The following MND1 variants were observed in gnomAD, a reference collection of about 807,000 sequenced individuals.
MND1 encodes meiotic nuclear divisions 1, also known as meiotic nuclear division protein 1 homolog.
A neutral mutation model predicts 35.1 loss-of-function variants in MND1; 28 were observed. The ratio of observed to expected loss-of-function variants is 0.80; its 90% CI spans 0.59 to 1.09. The LOEUF (loss-of-function observed/expected upper bound fraction) is 1.09, where lower values mean the gene tolerates loss of function less well. Ranked by LOEUF, MND1 falls within the 50% of genes least tolerant of loss-of-function variation. The probability of loss-of-function intolerance (pLI) is 0.00; values close to 1 mark genes in which losing one functional copy is unlikely to be tolerated. For synonymous variants in MND1, 69 were observed against 70.5 expected, an observed-to-expected ratio of 0.98 and a Z score of 0.11; for missense variants, 213 against 239.6, an observed-to-expected ratio of 0.89 and a Z score of 0.73.
At chr4:153,385,717 AAAAAAAAAAAAAAAAAAG>A in intron 4 of MND1, among the ~76,000 whole-genome samples, 1 of 145,050 alleles carries the variant, frequency 6.9e-6, no homozygotes, top group Non-Finnish European at 1.5e-5. Context: ...CCCTGTCTCA[AAAAAAAAAAAAAAAAAAG>A]AAAAGAAAAT....
chr4:153,377,164 A>G (rs552279724), intron 4 of MND1, among the ~76,000 whole-genome samples: 3 of 152,288 alleles, frequency 2.0e-5, no homozygotes, highest in African/African-American at 7.2e-5. Context: ...GTTTGGGGAC[A>G]TATTTTTTAG....
chr4:153,412,817 T>A (rs1729723785), intron 7 of MND1, among the ~76,000 whole-genome samples: 1 of 150,670 alleles, frequency 6.6e-6, no homozygotes, highest in Non-Finnish European at 1.5e-5. Context: ...TTCTTTTTTT[T>A]TTTTTTGAGA....
intron 4 of MND1, among the ~76,000 whole-genome samples, chr4:153,376,062 G>A (rs970043070): frequency 6.6e-6 from 1 of 152,150 alleles, no homozygotes; most frequent in African/African-American, 2.4e-5. Context: ...TTGGATGATA[G>A]TGAAGCAGCT....
At position 153,386,894 on chromosome 4, in the gene MND1, A is replaced by G. The variant is rs376936924; in HGVS notation, c.277-7368A>G. ...AAAGCAAAGAAATAAGACAAGAAGG[A>G]TGCACACTGGGCTTTACAGGGGTCA... On this transcript the variant is annotated intron_variant, in intron 4 of 7. Coordinates refer to ENST00000240488, the MANE Select transcript of MND1 (RefSeq NM_032117.4). 1.0e-3 allele frequency among the ~76,000 whole-genome samples: 153 copies of G among 152,276 alleles called. 1 individual carries two copies. The highest frequency in any genetic ancestry group is 1.9e-3 in the Non-Finnish European group (132 of 68,012).
intron 1 of MND1, among the ~76,000 whole-genome samples, chr4:153,345,057 C>G (rs2149625421): frequency 6.6e-6 from 1 of 152,312 alleles, no homozygotes; most frequent in East Asian, 1.9e-4. Context: ...GAAGCGTTCG[C>G]GAACGTGACC....
chr4:153,381,539 TGAAA>T (rs1728681491), intron 4 of MND1, among the ~76,000 whole-genome samples: 5 of 149,194 alleles, frequency 3.4e-5, no homozygotes, highest in Non-Finnish European at 7.4e-5. Context: ...CTTACTTTCC[TGAAA>T]TAGCCTTAAT....
chr4:153,361,657 G>A, intron 4 of MND1: 1 of 408,908 alleles, frequency 2.4e-6, no homozygotes, highest in Middle Eastern at 8.0e-4. Flanking sequence ...GGCTAACACG[G>A]TGAAACCCTG....
intron 4 of MND1, among the ~76,000 whole-genome samples, chr4:153,390,093 G>A (rs188483305): frequency 5.7e-4 from 86 of 151,552 alleles, no homozygotes; most frequent in South Asian, 2.5e-3. Flanking sequence ...TATATATGGC[G>A]ACTAGAAATC....
intron 4 of MND1, among the ~76,000 whole-genome samples, chr4:153,368,538 G>A (rs1194846803): frequency 6.6e-6 from 1 of 152,126 alleles, no homozygotes; most frequent in East Asian, 1.9e-4. Context: ...TGACTTTCCT[G>A]GGAAAGTTTT....
intron 1 of MND1, among the ~76,000 whole-genome samples, 155 bp downstream of exon 1, chr4:153,344,895 G>T (rs1024339296): frequency 6.6e-6 from 1 of 152,074 alleles, no homozygotes; most frequent in Non-Finnish European, 1.5e-5. Context: ...TAGGGGCCCA[G>T]CCCGGCCCCG....
rs559192678 is a variant in MND1 at position 153,398,980 on chromosome 4, C to G, written c.466+1647C>G. ...CTTATCTAGAGCACCTTCTCATTCT[C>G]TTGCAAGAGAACTTCAAGCACAGTT... On this transcript the variant is annotated intron_variant, in intron 6 of 7. Coordinates refer to ENST00000240488, the MANE Select transcript of MND1 (RefSeq NM_032117.4). Among the ~76,000 whole-genome samples, 4 of 152,322 alleles carry G rather than the reference C, an allele frequency of 2.6e-5. No homozygotes were observed. In the East Asian group the frequency reaches 5.8e-4, roughly 22 times the overall value.
At chr4:153,390,913 G>A (rs78980293) in intron 4 of MND1, among the ~76,000 whole-genome samples, 6,662 of 122,580 alleles carry the variant, frequency 0.054, 160 homozygotes, top group South Asian at 0.13. Flanking sequence ...GTGTGTGTGT[G>A]TGTATATGTG....
chr4:153,383,241 G>A (rs1040584185), intron 4 of MND1, among the ~76,000 whole-genome samples: 3 of 152,298 alleles, frequency 2.0e-5, no homozygotes, highest in Non-Finnish European at 4.4e-5. Flanking sequence ...GAAACCTAAC[G>A]GAGAGTCTGT....
At chr4:153,389,203 CT>C (rs1414677123) in intron 4 of MND1, among the ~76,000 whole-genome samples, 1 of 152,164 alleles carries the variant, frequency 6.6e-6, no homozygotes, top group Non-Finnish European at 1.5e-5. Flanking sequence ...GGCTTTCAGG[CT>C]TTAAACTGTC....
chr4:153,395,276 T>C (rs916351093), intron 5 of MND1, among the ~76,000 whole-genome samples: 2 of 152,200 alleles, frequency 1.3e-5, no homozygotes, highest in African/African-American at 4.8e-5. Flanking sequence ...TTTGTTCCTT[T>C]TGTTTGTTTT....
intron 4 of MND1, among the ~76,000 whole-genome samples, chr4:153,389,612 T>C (rs28735302): frequency 0.069 from 10,434 of 152,244 alleles, 618 homozygotes; most frequent in African/African-American, 0.16. Flanking sequence ...CCACCTGCCT[T>C]GGCCTCTCAA....
intron 4 of MND1, among the ~76,000 whole-genome samples, chr4:153,377,432 T>G (rs568679949): frequency 6.6e-6 from 1 of 152,302 alleles, no homozygotes; most frequent in Admixed American, 6.5e-5. Context: ...TCTACTGAAG[T>G]TTATTCAGTT....
intron 1 of MND1, among the ~76,000 whole-genome samples, chr4:153,346,116 T>C (rs2149626121): frequency 6.6e-6 from 1 of 152,352 alleles, no homozygotes; most frequent in South Asian, 2.1e-4. Context: ...AAATTTAGTG[T>C]TGGTCAAAGG....
At chr4:153,401,479 C>T (rs1390780402) in intron 6 of MND1, among the ~76,000 whole-genome samples, 2 of 151,982 alleles carry the variant, frequency 1.3e-5, no homozygotes, top group Non-Finnish European at 2.9e-5. Flanking sequence ...GCCAGTGATC[C>T]CCTTATCACT....
Sources: allele counts gnomAD v4.1 joint callset (sites outside exome capture counted in the v4.1 genomes callset), GRCh38; gene constraint gnomAD v4.1.1; transcripts MANE v1.5; gene names NCBI Gene and HGNC (gene_info 2026-07-23, HGNC 2026-07-21).